Variants in ST8SIA4 observed in about 807,000 individuals in gnomAD.
The protein encoded by ST8SIA4 is CMP-N-acetylneuraminate-poly-alpha-2,8-sialyltransferase.
ST8SIA4 carries 15 observed loss-of-function variants against 33.9 expected under a neutral mutation model. The observed-to-expected ratio is 0.44, with a 90% CI of 0.30 to 0.68. ST8SIA4 has a LOEUF of 0.68. Among genes scored for constraint, ST8SIA4 ranks in the 30% least tolerant of loss-of-function variants. ST8SIA4 has a pLI of 0.10. For missense variants in ST8SIA4, 321 were observed against 428.0 expected (o/e 0.75, Z 2.21); for synonymous variants, 171 against 151.2 (o/e 1.13, Z -0.96).
intron 1 of ST8SIA4, among the ~76,000 whole-genome samples, chr5:100,898,051 C>T (rs1752818330): frequency 6.6e-6 from 1 of 152,136 alleles, no homozygotes; most frequent in East Asian, 1.9e-4. Flanking sequence ...TAATCATCAC[C>T]TTATTAATTG....
At chr5:100,834,226 T>C (rs895138240) in intron 4 of ST8SIA4, among the ~76,000 whole-genome samples, 7 of 152,076 alleles carry the variant, frequency 4.6e-5, no homozygotes, top group Admixed American at 4.6e-4. Context: ...TAATAAAACA[T>C]AGAACGCTCT....
chr5:100,842,749 T>G (rs1751494579), intron 4 of ST8SIA4, among the ~76,000 whole-genome samples: 1 of 151,842 alleles, frequency 6.6e-6, no homozygotes, highest in South Asian at 2.1e-4. Flanking sequence ...GAACTTTAGC[T>G]GCAAGTAATG....
At chr5:100,897,386 C>A (rs1310400582) in intron 1 of ST8SIA4, among the ~76,000 whole-genome samples, 1 of 152,052 alleles carries the variant, frequency 6.6e-6, no homozygotes, top group African/African-American at 2.4e-5. Flanking sequence ...TAAATGTAAA[C>A]CCAGACTCAG....
chr5:100,880,152 C>T (rs1436803122), intron 3 of ST8SIA4, among the ~76,000 whole-genome samples: 2 of 151,978 alleles, frequency 1.3e-5, no homozygotes, highest in East Asian at 1.9e-4. Context: ...TGCCTTCTTG[C>T]TTACCTCTAG....
chr5:100,877,021 G>A (rs1237951772), intron 3 of ST8SIA4, among the ~76,000 whole-genome samples: 1 of 152,030 alleles, frequency 6.6e-6, no homozygotes, highest in East Asian at 1.9e-4. Context: ...AGGTCAACTT[G>A]AGTATAATAC....
intron 4 of ST8SIA4, chr5:100,849,519 C>G (rs770637105): frequency 4.3e-6 from 4 of 931,444 alleles, no homozygotes; most frequent in African/African-American, 1.8e-5. Context: ...CGGTGGCTCA[C>G]GCCTGTAATC....
intron 3 of ST8SIA4, among the ~76,000 whole-genome samples, chr5:100,865,366 C>T (rs182891904): frequency 5.3e-5 from 8 of 152,226 alleles, no homozygotes; most frequent in South Asian, 2.1e-4. Flanking sequence ...TCCAATTGAT[C>T]ACTCCGTATT....
chr5:100,846,562 T>C (rs1751577246), intron 4 of ST8SIA4, among the ~76,000 whole-genome samples: 1 of 151,906 alleles, frequency 6.6e-6, no homozygotes, highest in Non-Finnish European at 1.5e-5. Context: ...CCCAGGTCAA[T>C]CTCACCAAAA....
chr5:100,902,213 T>G (rs542630202), intron 1 of ST8SIA4, among the ~76,000 whole-genome samples: 1 of 152,078 alleles, frequency 6.6e-6, no homozygotes, highest in Non-Finnish European at 1.5e-5. Context: ...AGCAGAAATA[T>G]AGTCTGTGTG....
At position 100,811,599 on chromosome 5, in the gene ST8SIA4, G is replaced by T. The variant is rs139860572; in HGVS notation, c.*248C>A. The T allele has an allele frequency of 2.5e-5, 11 of 434,746 alleles. No individual in the cohort carries two copies. The highest frequency in any genetic ancestry group is 2.2e-4 in the African/African-American group (11 of 50,272). 26.9% of individuals were successfully genotyped at this position (434,746 alleles called of 1,614,324 possible). A position where few individuals can be genotyped will look rare whatever the true frequency, so the allele number is the denominator to read the frequency against. ...ACTGTTGGATCTTGTAAACACTACT[G>T]ATTATACATTCAAACTGTATTCTTA... On this transcript the variant is annotated 3_prime_UTR_variant, in exon 5 of 5. Transcript: ENST00000231461.
At chr5:100,839,640 C>T (rs954760734) in intron 4 of ST8SIA4, among the ~76,000 whole-genome samples, 2 of 151,924 alleles carry the variant, frequency 1.3e-5, no homozygotes, top group Admixed American at 6.6e-5. Flanking sequence ...TCTGTGATAA[C>T]TTATATAAAT....
At chr5:100,855,108 A>G (rs59131585) in intron 4 of ST8SIA4, among the ~76,000 whole-genome samples, 2,084 of 152,272 alleles carry the variant, frequency 0.014, 41 homozygotes, top group African/African-American at 0.048. Flanking sequence ...CCATTATTCC[A>G]TACGTTTACT....
chr5:100,846,892 T>C (rs559859951), intron 4 of ST8SIA4, among the ~76,000 whole-genome samples: 1 of 152,230 alleles, frequency 6.6e-6, no homozygotes, highest in East Asian at 1.9e-4. Flanking sequence ...ATAAACTATT[T>C]ATACTTCCAC....
intron 3 of ST8SIA4, among the ~76,000 whole-genome samples, chr5:100,862,396 C>A (rs1235030438): frequency 2.6e-5 from 4 of 151,948 alleles, no homozygotes; most frequent in African/African-American, 7.2e-5. Flanking sequence ...ATATTTATTT[C>A]TTTATTTCTT....
At chr5:100,864,428 A>T (rs925707595) in intron 3 of ST8SIA4, among the ~76,000 whole-genome samples, 2 of 151,970 alleles carry the variant, frequency 1.3e-5, no homozygotes, top group Non-Finnish European at 2.9e-5. Context: ...CAAAAAAATT[A>T]GCTGGGCATG....
At chr5:100,844,097 A>G (rs1423871484) in intron 4 of ST8SIA4, among the ~76,000 whole-genome samples, 1 of 151,916 alleles carries the variant, frequency 6.6e-6, no homozygotes, top group Non-Finnish European at 1.5e-5. Flanking sequence ...CTAGAGGGCC[A>G]GAGTTCCTAA....
chr5:100,870,010 C>A (rs111708318), intron 3 of ST8SIA4, among the ~76,000 whole-genome samples: 1 of 152,114 alleles, frequency 6.6e-6, no homozygotes, highest in Admixed American at 6.6e-5. Flanking sequence ...CCCCACCCCA[C>A]GACAGGCCCT....
intron 2 of ST8SIA4, among the ~76,000 whole-genome samples, chr5:100,887,981 C>A (rs570412694): frequency 1.3e-5 from 2 of 151,996 alleles, no homozygotes; most frequent in African/African-American, 4.8e-5. Context: ...TTGGAGCCAT[C>A]CAGGCAGCAA....
chr5:100,869,084 G>A (rs894489324), intron 3 of ST8SIA4, among the ~76,000 whole-genome samples: 2 of 152,028 alleles, frequency 1.3e-5, no homozygotes, highest in Admixed American at 1.3e-4. Context: ...TCCTTCATTA[G>A]AGTGTGATCA....
Sources: gnomAD v4.1 joint callset for allele counts (sites outside exome capture counted in the v4.1 genomes callset) on GRCh38, gnomAD v4.1.1 for gene constraint, MANE v1.5 for transcripts, NCBI Gene and HGNC (gene_info 2026-07-23, HGNC 2026-07-21) for gene names.